The following SCAPER variants were observed in gnomAD, a reference collection of about 807,000 sequenced individuals.
SCAPER encodes the protein S-phase cyclin A associated protein in the ER, also known as S phase cyclin A-associated protein in the endoplasmic reticulum.
SCAPER carries 98 observed loss-of-function variants against 182.2 expected under a neutral mutation model. The observed-to-expected ratio is 0.54, with a 90% CI of 0.46 to 0.64. SCAPER has a LOEUF of 0.64. Ranked by LOEUF, SCAPER falls within the 30% of genes least tolerant of loss-of-function variation. SCAPER has a pLI of 0.00. For missense variants in SCAPER, 1,432 were observed against 1,690.0 expected, an observed-to-expected ratio of 0.85 and a Z score of 2.68; for synonymous variants, 605 against 564.6, an observed-to-expected ratio of 1.07 and a Z score of -1.01.
intron 27 of SCAPER, among the ~76,000 whole-genome samples, chr15:76,401,872 C>T (rs574479979): frequency 5.1e-4 from 78 of 152,174 alleles, no homozygotes; most frequent in African/African-American, 1.7e-3. Context: ...GGGCCAGGCG[C>T]GCCCAGCACT....
At chr15:76,533,296 C>T (rs2043836614) in intron 23 of SCAPER, among the ~76,000 whole-genome samples, 2 of 152,104 alleles carry the variant, frequency 1.3e-5, no homozygotes. Flanking sequence ...ATGTTTCAGT[C>T]AACAATTGGC....
intron 5 of SCAPER, among the ~76,000 whole-genome samples, chr15:76,816,806 C>A (rs982987962): frequency 6.6e-6 from 1 of 152,084 alleles, no homozygotes; most frequent in Non-Finnish European, 1.5e-5. Context: ...GCGCCCGCCA[C>A]AATGCCCAGC....
chr15:76,739,214 C>G (rs1210347167), intron 15 of SCAPER, among the ~76,000 whole-genome samples: 1 of 152,160 alleles, frequency 6.6e-6, no homozygotes, highest in Admixed American at 6.5e-5. Flanking sequence ...GAAACCAATC[C>G]TCCACAGATA....
chr15:76,713,746 T>C (rs539660358), intron 17 of SCAPER, among the ~76,000 whole-genome samples: 4 of 151,950 alleles, frequency 2.6e-5, no homozygotes, highest in Admixed American at 1.3e-4. Flanking sequence ...AACCTGCACA[T>C]TGTGCACATG....
intron 28 of SCAPER, chr15:76,379,677 C>CT (rs2042807712): frequency 6.6e-6 from 1 of 151,278 alleles, no homozygotes. Flanking sequence ...TTTGATTTTT[C>CT]TTTTTGATTT....
intron 1 of SCAPER, among the ~76,000 whole-genome samples, chr15:76,897,630 C>A (rs2074510524): frequency 6.6e-6 from 1 of 152,020 alleles, no homozygotes; most frequent in Non-Finnish European, 1.5e-5. Flanking sequence ...TTGCTTGAAC[C>A]CGGGAGGCAG....
intron 29 of SCAPER, among the ~76,000 whole-genome samples, chr15:76,357,186 A>ACACACACC (rs1439719164): frequency 3.3e-5 from 5 of 151,154 alleles, no homozygotes; most frequent in Non-Finnish European, 7.4e-5. Context: ...ACACACACAC[A>ACACACACC]CACCCCTATG....
chr15:76,856,882 TTAATAAAATAAAA>T (rs771306332), intron 4 of SCAPER, among the ~76,000 whole-genome samples: 3 of 151,776 alleles, frequency 2.0e-5, no homozygotes, highest in Non-Finnish European at 4.4e-5. Context: ...TTAAATTAAA[TTAATAAAATAAAA>T]TAACAACACA....
intron 4 of SCAPER, chr15:76,855,809 C>G: frequency 2.5e-6 from 1 of 405,028 alleles, no homozygotes. Flanking sequence ...AGAATACTTA[C>G]ACGCTATTGC....
chr15:76,394,548 A>G (rs1347659192), intron 27 of SCAPER, among the ~76,000 whole-genome samples: 1 of 152,106 alleles, frequency 6.6e-6, no homozygotes, highest in Non-Finnish European at 1.5e-5. Flanking sequence ...TCTTCTTTCC[A>G]TTCCTTTCGT....
At chr15:76,374,940 A>C (rs751736993) in intron 29 of SCAPER, among the ~76,000 whole-genome samples, 3 of 152,044 alleles carry the variant, frequency 2.0e-5, no homozygotes, top group Admixed American at 6.6e-5. Context: ...AAAAAGCAGA[A>C]AGCAAGCCAG....
intron 23 of SCAPER, among the ~76,000 whole-genome samples, chr15:76,548,955 T>C (rs982362828): frequency 1.3e-5 from 2 of 152,132 alleles, no homozygotes; most frequent in Non-Finnish European, 2.9e-5. Flanking sequence ...GGGATCTAGT[T>C]AAACTAAAGA....
chr15:76,394,929 T>C (rs1039763750), intron 27 of SCAPER, among the ~76,000 whole-genome samples: 2 of 152,168 alleles, frequency 1.3e-5, no homozygotes, highest in African/African-American at 4.8e-5. Context: ...ATATCAAATA[T>C]TTAGTCTTAT....
chr15:76,542,477 C>G (rs1054407104), intron 23 of SCAPER, among the ~76,000 whole-genome samples: 21 of 151,756 alleles, frequency 1.4e-4, no homozygotes, highest in Admixed American at 1.4e-3. Flanking sequence ...GAGCTGAGAT[C>G]ACGTCACTGA....
At chr15:76,809,303 A>G (rs1328787053) in intron 5 of SCAPER, among the ~76,000 whole-genome samples, 1 of 152,218 alleles carries the variant, frequency 6.6e-6, no homozygotes. Flanking sequence ...TGAACTGCCA[A>G]TATGTGACTT....
At chr15:76,483,046 T>C (rs1457055926) in intron 24 of SCAPER, among the ~76,000 whole-genome samples, 1 of 151,984 alleles carries the variant, frequency 6.6e-6, no homozygotes, top group Non-Finnish European at 1.5e-5. Flanking sequence ...CAATATAATA[T>C]TAAATAAGAA....
intron 1 of SCAPER, among the ~76,000 whole-genome samples, chr15:76,894,118 G>A (rs937637743): frequency 6.6e-6 from 1 of 152,184 alleles, no homozygotes; most frequent in African/African-American, 2.4e-5. Flanking sequence ...TGGGTGCAGT[G>A]GCGCATGCCT....
chr15:76,449,382 CTT>C (rs1328963859), intron 25 of SCAPER, among the ~76,000 whole-genome samples: 1 of 152,144 alleles, frequency 6.6e-6, no homozygotes, highest in African/African-American at 2.4e-5. Flanking sequence ...AGATGAAAGT[CTT>C]TGCCCTAGAA....
chr15:76,494,901 G>A (rs913674951), intron 24 of SCAPER, among the ~76,000 whole-genome samples: 1 of 152,106 alleles, frequency 6.6e-6, no homozygotes, highest in Non-Finnish European at 1.5e-5. Flanking sequence ...CAGGCAATAA[G>A]GTACAGAAGG....
Sources: allele counts gnomAD v4.1 joint callset (sites outside exome capture counted in the v4.1 genomes callset), GRCh38; gene constraint gnomAD v4.1.1; transcripts MANE v1.5; gene names NCBI Gene and HGNC (gene_info 2026-07-23, HGNC 2026-07-21).